Variants in LRBA observed in about 807,000 individuals in gnomAD.
LRBA encodes LPS responsive beige-like anchor protein, also known as lipopolysaccharide-responsive and beige-like anchor protein.
LRBA carries 176 observed loss-of-function variants against 330.0 expected under a neutral mutation model. The observed-to-expected ratio is 0.53, with a 90% CI of 0.47 to 0.60. LRBA has a LOEUF of 0.60. LRBA is among the 20% of genes least tolerant of loss of function. The probability of loss-of-function intolerance (pLI) is 0.00; values close to 1 mark genes in which losing one functional copy is unlikely to be tolerated. For missense variants in LRBA, 3,259 were observed against 3,444.8 expected (o/e 0.95, Z 1.35); for synonymous variants, 1,230 against 1,193.0 (o/e 1.03, Z -0.64).
intron 31 of LRBA, among the ~76,000 whole-genome samples, chr4:150,810,300 T>C (rs1338923149): frequency 6.6e-6 from 1 of 152,192 alleles, no homozygotes; most frequent in African/African-American, 2.4e-5. Context: ...ACAATTAACC[T>C]CTGGATAATT....
intron 40 of LRBA, among the ~76,000 whole-genome samples, chr4:150,523,787 C>T (rs1763174502): frequency 6.6e-6 from 1 of 152,076 alleles, no homozygotes; most frequent in Non-Finnish European, 1.5e-5. Flanking sequence ...TAAGTTCCAG[C>T]TCCTAGAATG....
chr4:150,836,599 T>C (rs569987724), intron 28 of LRBA, among the ~76,000 whole-genome samples: 1 of 152,332 alleles, frequency 6.6e-6, no homozygotes, highest in Admixed American at 6.5e-5. Context: ...GTTTATAGTA[T>C]TCTCTGATGG....
At chr4:150,898,718 A>T (rs1296615690) in intron 14 of LRBA, among the ~76,000 whole-genome samples, 1 of 152,086 alleles carries the variant, frequency 6.6e-6, no homozygotes, top group East Asian at 1.9e-4. Context: ...GAAGAATGAG[A>T]CTTTCCCAAG....
At chr4:150,897,315 G>C (rs1199101908) in intron 15 of LRBA, among the ~76,000 whole-genome samples, 1 of 151,904 alleles carries the variant, frequency 6.6e-6, no homozygotes, top group South Asian at 2.1e-4. Flanking sequence ...AGAATGAAAA[G>C]GGACAAAATG....
intron 33 of LRBA, 27 bp downstream of exon 33, chr4:150,806,244 C>T (rs1038137578): frequency 6.7e-7 from 1 of 1,483,130 alleles, no homozygotes. Flanking sequence ...TAAATACATA[C>T]AAATAAAATA....
intron 40 of LRBA, among the ~76,000 whole-genome samples, chr4:150,514,412 C>A (rs758200336): frequency 1.3e-5 from 2 of 152,244 alleles, no homozygotes; most frequent in Middle Eastern, 3.4e-3. Flanking sequence ...ATATCTATGC[C>A]GGCTTTAAAT....
intron 40 of LRBA, among the ~76,000 whole-genome samples, chr4:150,504,266 G>C (rs1158900837): frequency 1.3e-5 from 2 of 152,066 alleles, no homozygotes; most frequent in Non-Finnish European, 2.9e-5. Flanking sequence ...TCCTCGAGAA[G>C]AGCAACTCCA....
intron 48 of LRBA, among the ~76,000 whole-genome samples, chr4:150,346,858 C>T (rs917060726): frequency 1.3e-5 from 2 of 148,282 alleles, no homozygotes; most frequent in African/African-American, 5.0e-5. Context: ...AATTCCATTT[C>T]TGGGTGTATA....
chr4:150,896,529 T>C, intron 15 of LRBA, 73 bp from the exon 16 acceptor site: 1 of 770,678 alleles, frequency 1.3e-6, no homozygotes, highest in Non-Finnish European at 2.2e-6. Context: ...TACACATAGA[T>C]TTGTCAAGTT....
intron 42 of LRBA, among the ~76,000 whole-genome samples, chr4:150,478,835 C>T (rs1756993995): frequency 6.6e-6 from 1 of 152,196 alleles, no homozygotes; most frequent in Admixed American, 6.5e-5. Context: ...ATCACTACTA[C>T]AACACTCTAA....
At position 150,806,289 on chromosome 4, in the gene LRBA, G is replaced by A; in HGVS notation, c.5500C>T (p.Leu1834=). 6.3e-7 allele frequency: 1 copy of A among 1,597,938 alleles called. No homozygotes were observed. The highest frequency in any genetic ancestry group is 8.5e-7 in the Non-Finnish European group (1 of 1,172,656). Residue 1834 remains leucine, a synonymous_variant, in exon 33 of 57, where the codon CTG becomes TTG. Transcript: ENST00000651943. ...CACTTACTTGTTCCTTCTATAAGCA[G>A]TTCTTGTCCATGGCTACCCAAAAGT... ...RTLLGSHGQE[L]LIEGTSLVCM...
Position 150,435,627 on chromosome 4 carries a change from C to G in LRBA, c.7003G>C (p.Ala2335Pro). 6.2e-7 allele frequency: 1 copy of G among 1,612,914 alleles called. No homozygotes were observed. The highest frequency in any genetic ancestry group is 1.3e-5 in the African/African-American group (1 of 74,950). The change falls in exon 46 of 57, where the codon GCT becomes CCT. Residue 2335 changes from alanine (A) to proline (P), a missense_variant. Transcript: ENST00000651943. Reference sequence around the variant, plus strand: ...GTATCACGCTGACTGTTTCGCCAAGCTCTGGAAATTGATGAAAAAGTTCGA... The same window carrying G: ...GTATCACGCTGACTGTTTCGCCAAGGTCTGGAAATTGATGAAAAAGTTCGA... ...ADRTFSSISR[A>P]WRNSQRDTSD...
At chr4:150,927,841 G>A (rs541923919) in intron 4 of LRBA, among the ~76,000 whole-genome samples, 2 of 152,122 alleles carry the variant, frequency 1.3e-5, no homozygotes, top group Non-Finnish European at 2.9e-5. Context: ...TAATGAAAAA[G>A]AGTAATTGTA....
chr4:150,293,906 C>A (rs893323542), intron 53 of LRBA, among the ~76,000 whole-genome samples: 1 of 152,176 alleles, frequency 6.6e-6, no homozygotes, highest in Non-Finnish European at 1.5e-5. Context: ...TTTCTCCTTA[C>A]GATTTTCTTA....
At chr4:150,557,913 G>A (rs1425102022) in intron 40 of LRBA, among the ~76,000 whole-genome samples, 1 of 151,320 alleles carries the variant, frequency 6.6e-6, no homozygotes, top group Non-Finnish European at 1.5e-5. Flanking sequence ...TTTTTTGTTT[G>A]TTTTGAGACA....
chr4:150,520,838 A>T (rs1372037734), intron 40 of LRBA, among the ~76,000 whole-genome samples: 1 of 152,198 alleles, frequency 6.6e-6, no homozygotes, highest in East Asian at 1.9e-4. Context: ...ACTATGCTAT[A>T]TAATAGTATA....
intron 47 of LRBA, among the ~76,000 whole-genome samples, chr4:150,359,408 TC>T (rs1477360711): frequency 1.3e-5 from 2 of 152,100 alleles, no homozygotes; most frequent in African/African-American, 4.8e-5. Flanking sequence ...GAAAGTAGCA[TC>T]CGGAGTGAAG....
At chr4:150,422,541 C>A (rs1432205510) in intron 46 of LRBA, 1 of 453,442 alleles carries the variant, frequency 2.2e-6, no homozygotes, top group Non-Finnish European at 4.0e-6. Flanking sequence ...ACTCCTGACC[C>A]ACACTATCCT....
At chr4:150,279,823 G>A (rs1006406385) in intron 55 of LRBA, among the ~76,000 whole-genome samples, 8 of 152,144 alleles carry the variant, frequency 5.3e-5, no homozygotes, top group African/African-American at 1.9e-4. Flanking sequence ...GCAATCTCTA[G>A]GGGTGTCTGG....
Sources: gnomAD v4.1 joint callset for allele counts (sites outside exome capture counted in the v4.1 genomes callset) on GRCh38, gnomAD v4.1.1 for gene constraint, MANE v1.5 for transcripts, NCBI Gene and HGNC (gene_info 2026-07-23, HGNC 2026-07-21) for gene names.